Variants in TMEM178B observed in about 807,000 individuals in gnomAD.
TMEM178B encodes the protein transmembrane protein 178B.
A neutral mutation model predicts 31.0 loss-of-function variants in TMEM178B; 5 were observed. The observed-to-expected ratio is 0.16, with a 90% confidence interval of 0.08 to 0.34. TMEM178B has a LOEUF of 0.34. TMEM178B is among the 10% of genes least tolerant of loss of function. TMEM178B has a pLI of 1.00. For missense variants in TMEM178B, 275 were observed against 400.3 expected, an observed-to-expected ratio of 0.69 and a Z score of 2.67; for synonymous variants, 164 against 164.0, an observed-to-expected ratio of 1.00 and a Z score of 0.00.
intron 2 of TMEM178B, among the ~76,000 whole-genome samples, chr7:141,408,537 G>A (rs1800926499): frequency 6.6e-6 from 1 of 152,182 alleles, no homozygotes; most frequent in African/African-American, 2.4e-5. Context: ...GAGAATCACT[G>A]TATTAGAGGC....
At chr7:141,360,812 G>A (rs1235776792) in intron 2 of TMEM178B, among the ~76,000 whole-genome samples, 1 of 152,162 alleles carries the variant, frequency 6.6e-6, no homozygotes, top group South Asian at 2.1e-4. Context: ...CAAGTTCTAC[G>A]TTTTGGTTTA....
intron 2 of TMEM178B, among the ~76,000 whole-genome samples, chr7:141,212,991 A>G (rs1797074311): frequency 6.6e-6 from 1 of 152,242 alleles, no homozygotes; most frequent in Non-Finnish European, 1.5e-5. Context: ...GTAGGCATGT[A>G]AGATTTCACC....
At chr7:141,144,206 A>C (rs1385484391) in intron 1 of TMEM178B, among the ~76,000 whole-genome samples, 4 of 152,040 alleles carry the variant, frequency 2.6e-5, no homozygotes, top group African/African-American at 9.7e-5. Context: ...GATGCCTTTT[A>C]TTTCTTTCTC....
At chr7:141,423,250 A>G (rs1801247361) in intron 2 of TMEM178B, among the ~76,000 whole-genome samples, 2 of 151,484 alleles carry the variant, frequency 1.3e-5, no homozygotes, top group Non-Finnish European at 2.9e-5. Context: ...CTGGTCTTGA[A>G]CTCCTGACCT....
At chr7:141,162,583 T>C (rs1318938250) in intron 1 of TMEM178B, among the ~76,000 whole-genome samples, 2 of 152,234 alleles carry the variant, frequency 1.3e-5, no homozygotes, top group Non-Finnish European at 2.9e-5. Context: ...TCTAATTTAG[T>C]TTCTTACCAA....
intron 1 of TMEM178B, among the ~76,000 whole-genome samples, chr7:141,154,106 A>T (rs10250213): frequency 0.062 from 9,432 of 152,292 alleles, 965 homozygotes; most frequent in African/African-American, 0.21. Flanking sequence ...ACTTTTGCTA[A>T]CCATCTGAGA....
chr7:141,217,247 G>A (rs1230843807), intron 2 of TMEM178B, among the ~76,000 whole-genome samples: 5 of 152,224 alleles, frequency 3.3e-5, no homozygotes, highest in African/African-American at 1.2e-4. Flanking sequence ...CTCTGCTCTT[G>A]TTCTCCCCAC....
chr7:141,508,218 G>C, the TMEM178B span, among the ~76,000 whole-genome samples: 4 of 152,110 alleles, frequency 2.6e-5, no homozygotes, highest in African/African-American at 9.7e-5. Context: ...CAAATCTCTA[G>C]GGCAGGGGCA....
At chr7:141,497,443 G>T in the TMEM178B span, among the ~76,000 whole-genome samples, 1 of 152,118 alleles carries the variant, frequency 6.6e-6, no homozygotes, top group African/African-American at 2.4e-5. Flanking sequence ...CCGTTACTTT[G>T]TTACCCCCTT....
intron 1 of TMEM178B, among the ~76,000 whole-genome samples, chr7:141,125,857 A>ATAT (rs2129177012): frequency 6.6e-6 from 1 of 152,294 alleles, no homozygotes; most frequent in South Asian, 2.1e-4. Context: ...AGTGCAGGAA[A>ATAT]TTAATAAGAA....
chr7:141,214,941 G>A (rs10246772), intron 2 of TMEM178B, among the ~76,000 whole-genome samples: 97,641 of 152,016 alleles, frequency 0.64, 33,102 homozygotes, highest in Middle Eastern at 0.79. Context: ...TCACAAAGCC[G>A]CCTAATGGGC....
At chr7:141,386,876 TG>T (rs968143971) in intron 2 of TMEM178B, among the ~76,000 whole-genome samples, 1 of 152,140 alleles carries the variant, frequency 6.6e-6, no homozygotes, top group African/African-American at 2.4e-5. Flanking sequence ...AGCCGGGGTT[TG>T]GGGGTTCTCT....
intron 3 of TMEM178B, among the ~76,000 whole-genome samples, chr7:141,448,610 A>G (rs1333614799): frequency 1.3e-5 from 2 of 152,192 alleles, no homozygotes; most frequent in East Asian, 3.9e-4. Flanking sequence ...TGTAGACAGT[A>G]AGGTCAGGCT....
At chr7:141,117,281 T>C (rs1243430635) in intron 1 of TMEM178B, among the ~76,000 whole-genome samples, 1 of 152,232 alleles carries the variant, frequency 6.6e-6, no homozygotes, top group Admixed American at 6.5e-5. Context: ...ATGAGCTTTT[T>C]TTCATATGTT....
intron 1 of TMEM178B, among the ~76,000 whole-genome samples, chr7:141,107,688 T>C (rs1229368377): frequency 2.0e-5 from 3 of 152,208 alleles, no homozygotes; most frequent in Non-Finnish European, 4.4e-5. Context: ...TGGAGATGTC[T>C]GTTATACATC....
intron 1 of TMEM178B, among the ~76,000 whole-genome samples, chr7:141,147,048 G>C (rs990239076): frequency 6.6e-6 from 1 of 152,200 alleles, no homozygotes; most frequent in South Asian, 2.1e-4. Context: ...TTAGTAATGA[G>C]AATGTATAAG....
chr7:141,502,453 G>T, the TMEM178B span, among the ~76,000 whole-genome samples: 1 of 152,278 alleles, frequency 6.6e-6, no homozygotes, highest in African/African-American at 2.4e-5. Context: ...AAAACAGCTG[G>T]TCATAGGCAT....
chr7:141,294,538 T>TA (rs1263356704), intron 2 of TMEM178B, among the ~76,000 whole-genome samples: 1 of 152,196 alleles, frequency 6.6e-6, no homozygotes, highest in Non-Finnish European at 1.5e-5. Context: ...TCTCAGCCGT[T>TA]ACAGCTTTCA....
intron 2 of TMEM178B, among the ~76,000 whole-genome samples, chr7:141,356,087 A>T (rs1368756811): frequency 1.3e-5 from 2 of 152,150 alleles, no homozygotes; most frequent in Non-Finnish European, 1.5e-5. Context: ...GTGTATATGT[A>T]CCACATTTCA....
Sources: allele counts gnomAD v4.1 joint callset (sites outside exome capture counted in the v4.1 genomes callset), GRCh38; gene constraint gnomAD v4.1.1; transcripts MANE v1.5; gene names NCBI Gene and HGNC (gene_info 2026-07-23, HGNC 2026-07-21).